The following STARD8 variants were observed in gnomAD, a reference collection of about 807,000 sequenced individuals.
STARD8 encodes the protein StAR related lipid transfer domain containing 8.
A neutral mutation model predicts 69.4 loss-of-function variants in STARD8; 25 were observed. The ratio of observed to expected loss-of-function variants is 0.36; its 90% CI spans 0.26 to 0.50. STARD8 has a LOEUF of 0.50. Among genes scored for constraint, STARD8 ranks in the 20% least tolerant of loss-of-function variants. The pLI is 0.96. For missense variants in STARD8, 921 were observed against 932.5 expected (o/e 0.99, Z 0.16); for synonymous variants, 389 against 374.6 (o/e 1.04, Z -0.45).
chrX:68,696,781 C>G (rs1190818314), intron 2 of STARD8, among the ~76,000 whole-genome samples: 1 of 111,703 alleles, frequency 9.0e-6, no homozygotes, highest in Non-Finnish European at 1.9e-5. Context: ...AGGCTTGGTG[C>G]TAGGTCTTGT....
At chrX:68,678,241 A>T (rs1474126705) in intron 2 of STARD8, among the ~76,000 whole-genome samples, 3 of 111,404 alleles carry the variant, frequency 2.7e-5, no homozygotes, top group Non-Finnish European at 5.7e-5. Flanking sequence ...CAGCTGCAAA[A>T]TTCCCCTGGA....
chrX:68,723,962 T>G lies in STARD8; in HGVS notation c.3035T>G (p.Leu1012Arg). 8.3e-7 allele frequency: 1 copy of G among 1,212,062 alleles called. No homozygotes were observed. The highest frequency in any genetic ancestry group is 2.2e-5 in the Admixed American group (1 of 46,110). ...TCCAATAGGATGTGGCGCTCTGACC[T>G]GCCTCGTGGGGGTTGCCTGCTTGTC... ...FVVLRMWRSDLPRGGCLLVSQ... is the reference protein window; with the variant it reads ...FVVLRMWRSDRPRGGCLLVSQ... Residue 1012 changes from leucine (L) to arginine (R), a missense_variant, in exon 14 of 15, where the codon CTG (leucine) becomes CGG (arginine). By Grantham distance (102) the Leu-to-Arg change is moderately radical. Transcript: ENST00000374599.
rs751111074 is a variant in STARD8, at chrX:68,715,375, G to A, written c.233G>A (p.Arg78Lys). The A allele has an allele frequency of 8.3e-7, 1 of 1,203,266 alleles. No homozygotes were observed. The highest frequency in any genetic ancestry group is 1.1e-6 in the Non-Finnish European group (1 of 891,168). Reference sequence around the variant, plus strand: ...GAGGACTCTTTGGGGGCCCTGTGTAGGTAGGTGGGCTGAGGGCCAGGCCTG... The same window carrying A: ...GAGGACTCTTTGGGGGCCCTGTGTAAGTAGGTGGGCTGAGGGCCAGGCCTG... ...LDEDSLGALC[R>K]RLMTLNNCAS... Residue 78 changes from arginine to lysine, a missense_variant and splice_region_variant, in exon 4 of 15, where the codon AGG becomes AAG. Arg to Lys is a conservative substitution (Grantham distance 26). Coordinates refer to ENST00000374599, the MANE Select transcript of STARD8 (RefSeq NM_001142503.3).
chrX:68,661,417 G>A (rs990370173), intron 1 of STARD8, among the ~76,000 whole-genome samples: 1 of 111,949 alleles, frequency 8.9e-6, no homozygotes, highest in Non-Finnish European at 1.9e-5. Context: ...AAAAACTCAT[G>A]ATCTGCCTTT....
chrX:68,651,951 G>T (rs184398301), intron 1 of STARD8, among the ~76,000 whole-genome samples: 22 of 106,413 alleles, frequency 2.1e-4, no homozygotes, highest in African/African-American at 7.6e-4. Context: ...GGGTTCAAGC[G>T]ATTCTCCTGC....
In STARD8 at chrX:68,664,273, T is replaced by G. The variant is rs955189747; in HGVS notation, c.46-1226T>G. 1.8e-3 allele frequency among the ~76,000 whole-genome samples: 198 copies of G among 111,313 alleles called. 2 individuals carry two copies. The highest frequency in any genetic ancestry group is 9.4e-4 in the Non-Finnish European group (50 of 53,088). On this transcript the variant is annotated intron_variant, in intron 1 of 14. Coordinates refer to ENST00000374599, the MANE Select transcript of STARD8 (RefSeq NM_001142503.3). ...AATGAATGTCTCTACAACTACCATT[T>G]TAGCCCAAGCCACTGACATTGTTTG... is the stretch of plus-strand genomic sequence containing the variant.
At chrX:68,696,391 CA>C (rs201353610) in intron 2 of STARD8, among the ~76,000 whole-genome samples, 2,239 of 112,118 alleles carry the variant, frequency 0.02, 58 homozygotes, top group African/African-American at 0.068. Context: ...AGATAGGAAT[CA>C]GTGGACTGGA....
chrX:68,714,682 G>T (rs2080077709), intron 3 of STARD8, among the ~76,000 whole-genome samples: 1 of 112,465 alleles, frequency 8.9e-6, no homozygotes, highest in South Asian at 3.7e-4. Context: ...TCAAGTGTCT[G>T]GCACAAAGTA....
chrX:68,679,806 A>T (rs2079789728), intron 2 of STARD8, among the ~76,000 whole-genome samples: 1 of 111,784 alleles, frequency 8.9e-6, no homozygotes, highest in Non-Finnish European at 1.9e-5. Context: ...GCCAAATCCC[A>T]CCATCTAGGC....
At chrX:68,676,893 C>T (rs1423409619) in intron 2 of STARD8, among the ~76,000 whole-genome samples, 6 of 110,611 alleles carry the variant, frequency 5.4e-5, no homozygotes, top group African/African-American at 2.0e-4. Context: ...TGCCTGTAAT[C>T]CCAGCAATTT....
intron 2 of STARD8, among the ~76,000 whole-genome samples, chrX:68,706,387 G>C (rs772603568): frequency 5.4e-5 from 6 of 111,961 alleles, no homozygotes; most frequent in Non-Finnish European, 9.4e-5. Context: ...GGAGCAGAGA[G>C]AGGCACCAGT....
chrX:68,724,039 C>T lies in STARD8; in HGVS notation c.3112C>T (p.Leu1038Phe). The change falls in exon 14 of 15, where the codon CTC becomes TTC. Residue 1038 changes from leucine to phenylalanine, a missense_variant. By Grantham distance (22) the Leu-to-Phe change is conservative. Transcript: ENST00000374599. ...QPVPESGVRA[L>F]MLTSQYLMEP... ...TGTGCCAGAGTCGGGTGTGCGAGCC[C>T]TCATGCTCACATCCCAGTACCTCAT... 1 of 1,212,179 alleles carries T rather than the reference C, an allele frequency of 8.2e-7. No homozygotes were observed. Among genetic ancestry groups the T allele is most frequent in the Admixed American group, 2.2e-5 (1 of 46,129 alleles).
At chrX:68,655,305 C>T (rs746806280) in intron 1 of STARD8, among the ~76,000 whole-genome samples, 7 of 111,904 alleles carry the variant, frequency 6.3e-5, no homozygotes, top group African/African-American at 1.3e-4. Context: ...CAGCCAGCCA[C>T]GTCTTAATTA....
chrX:68,692,689 G>C (rs2079885027), intron 2 of STARD8, among the ~76,000 whole-genome samples: 1 of 112,386 alleles, frequency 8.9e-6, no homozygotes, highest in African/African-American at 3.2e-5. Context: ...CAAGACTTCA[G>C]CTCTACAAAA....
intron 2 of STARD8, among the ~76,000 whole-genome samples, chrX:68,677,789 C>T (rs2079775026): frequency 9.0e-6 from 1 of 110,899 alleles, no homozygotes; most frequent in Non-Finnish European, 1.9e-5. Context: ...CTCCTAGTTC[C>T]TCAGATTCTG....
chrX:68,688,692 G>C (rs1206927323), intron 2 of STARD8, among the ~76,000 whole-genome samples: 1 of 111,898 alleles, frequency 8.9e-6, no homozygotes, highest in East Asian at 2.8e-4. Context: ...AGCAACGCTG[G>C]GGGCAAAGAC....
In STARD8 at chrX:68,676,768, T is replaced by C. The variant is rs187325211; in HGVS notation, c.79+11236T>C. On this transcript the variant is annotated intron_variant, in intron 2 of 14. Transcript: ENST00000374599. ...ACTCTCACTTTCCAGAGTTAGCCGC[T>C]CTGAAAAGGTTGTTGTTTTTTGTTT... Among the ~76,000 whole-genome samples the C allele has an allele frequency of 1.3e-3, 149 of 111,026 alleles. 1 individual carries two copies. Among genetic ancestry groups the C allele is most frequent in the African/African-American group, 4.8e-3 (143 of 29,641 alleles).
At chrX:68,698,587 G>GGACCCAGACCCA (rs3838387) in intron 2 of STARD8, among the ~76,000 whole-genome samples, 15 of 106,974 alleles carry the variant, frequency 1.4e-4, no homozygotes, top group Non-Finnish European at 1.9e-4. Context: ...GGTCGGGCCA[G>GGACCCAGACCCA]GACCCAGACC....
chrX:68,721,698 C>G lies in STARD8; in HGVS notation c.2411C>G (p.Pro804Arg). The G allele has an allele frequency of 8.2e-7, 1 of 1,212,195 alleles. No individual in the cohort carries two copies. Among genetic ancestry groups the G allele is most frequent in the Non-Finnish European group, 1.1e-6 (1 of 895,566 alleles). The change falls in exon 10 of 15, where the codon CCC becomes CGC. Residue 804 changes from proline (P) to arginine (R), a missense_variant. Pro to Arg is a moderately radical substitution (Grantham distance 103). Transcript: ENST00000374599. The part of the protein sequence containing the change: ...TAGNLAVCLA[P>R]SIFHLNVSKK... ...GGCAACCTGGCAGTGTGCCTGGCGC[C>G]CTCCATCTTCCACCTCAATGTCTCT...
Sources: allele counts gnomAD v4.1 joint callset (sites outside exome capture counted in the v4.1 genomes callset), GRCh38; gene constraint gnomAD v4.1.1; transcripts MANE v1.5; gene names NCBI Gene and HGNC (gene_info 2026-07-23, HGNC 2026-07-21).